The following GRAMD1B variants were observed in gnomAD, a reference collection of about 807,000 sequenced individuals.
GRAMD1B encodes the protein GRAM domain containing 1B.
A neutral mutation model predicts 99.7 loss-of-function variants in GRAMD1B; 37 were observed. The ratio of observed to expected loss-of-function variants is 0.37; its 90% CI spans 0.29 to 0.49. GRAMD1B has a LOEUF of 0.49. GRAMD1B is among the 20% of genes least tolerant of loss of function. The pLI, the probability that GRAMD1B is intolerant of heterozygous loss-of-function variation, is 0.98. For missense variants in GRAMD1B, 888 were observed against 1,009.2 expected (o/e 0.88, Z 1.63); for synonymous variants, 427 against 387.6 (o/e 1.10, Z -1.19).
chr11:123,513,415 G>C (rs945236970), intron 2 of GRAMD1B, among the ~76,000 whole-genome samples: 1 of 151,822 alleles, frequency 6.6e-6, no homozygotes, highest in Non-Finnish European at 1.5e-5. Context: ...TCAGACTAGG[G>C]CCATCTGATA....
intron 1 of GRAMD1B, among the ~76,000 whole-genome samples, chr11:123,448,655 C>G (rs1033937045): frequency 6.6e-6 from 1 of 152,260 alleles, no homozygotes. Context: ...ATGGGCAGTT[C>G]CACTGCGATG....
At chr11:123,474,417 C>T (rs994886893) in intron 1 of GRAMD1B, among the ~76,000 whole-genome samples, 1 of 152,212 alleles carries the variant, frequency 6.6e-6, no homozygotes, top group African/African-American at 2.4e-5. Flanking sequence ...GTGCGTCTCT[C>T]TGACGCCATA....
intron 1 of GRAMD1B, among the ~76,000 whole-genome samples, chr11:123,405,211 TG>T (rs1947813317): frequency 2.6e-5 from 4 of 151,734 alleles, no homozygotes; most frequent in African/African-American, 9.7e-5. Context: ...TGTGTGTGTG[TG>T]TGTGTGTGAA....
rs112033315 is a variant in GRAMD1B, at chr11:123,534,852, G to A, written c.453-42515G>A. Among the ~76,000 whole-genome samples the A allele has an allele frequency of 2.2e-3, 335 of 151,348 alleles. 2 individuals are homozygous for A. The highest frequency in any genetic ancestry group is 7.7e-3 in the African/African-American group (316 of 40,984). On this transcript the variant is annotated intron_variant, in intron 2 of 19. Transcript: ENST00000635736. ...GCACTCCAGCTTAGGCAGCAAGAGC[G>A]AAACTCCATCTCAAAGAAAAAAAAA...
At chr11:123,419,586 G>C (rs894224200) in intron 1 of GRAMD1B, among the ~76,000 whole-genome samples, 10 of 152,096 alleles carry the variant, frequency 6.6e-5, no homozygotes, top group Non-Finnish European at 1.5e-4. Flanking sequence ...AACTATGATT[G>C]TGCTACTGCA....
chr11:123,387,715 T>TCCCGCCCCCA (rs1462354979), intron 1 of GRAMD1B, among the ~76,000 whole-genome samples: 2 of 77,760 alleles, frequency 2.6e-5, no homozygotes, highest in Admixed American at 2.5e-4. Flanking sequence ...GCCCCTGCCC[T>TCCCGCCCCCA]CCCGCCCCCA....
intron 1 of GRAMD1B, among the ~76,000 whole-genome samples, chr11:123,466,407 GAAGAAAGAAAGAGAAA>G (rs1337974844): frequency 2.2e-4 from 31 of 140,766 alleles, no homozygotes; most frequent in Admixed American, 2.0e-3. Flanking sequence ...AGAAAGAAAG[GAAGAAAGAAAGAGAAA>G]AAGAAAGAAA....
intron 1 of GRAMD1B, among the ~76,000 whole-genome samples, chr11:123,358,985 G>C (rs1242572579): frequency 1.3e-5 from 2 of 152,130 alleles, no homozygotes; most frequent in East Asian, 1.9e-4. Context: ...TATTAACATG[G>C]ATTATGGTTT....
intron 1 of GRAMD1B, among the ~76,000 whole-genome samples, chr11:123,375,676 C>G (rs1324927978): frequency 6.6e-6 from 1 of 152,094 alleles, no homozygotes; most frequent in Admixed American, 6.5e-5. Context: ...GCCTTGAACA[C>G]TGGGCAAGGT....
chr11:123,575,126 A>G (rs183925731), intron 2 of GRAMD1B, among the ~76,000 whole-genome samples: 18 of 152,108 alleles, frequency 1.2e-4, no homozygotes, highest in African/African-American at 4.1e-4. Flanking sequence ...TCATGCTTTG[A>G]TCATTTCATG....
chr11:123,592,104 G>A (rs146648200), intron 4 of GRAMD1B, among the ~76,000 whole-genome samples: 1 of 152,314 alleles, frequency 6.6e-6, no homozygotes, highest in East Asian at 1.9e-4. Flanking sequence ...CCTGACATCC[G>A]GTTTCACCTG....
intron 1 of GRAMD1B, among the ~76,000 whole-genome samples, chr11:123,415,646 G>A (rs1417848398): frequency 6.6e-6 from 1 of 151,794 alleles, no homozygotes; most frequent in Non-Finnish European, 1.5e-5. Flanking sequence ...AATAAATGTC[G>A]TTAGGTTCTC....
At chr11:123,603,581 C>G (rs777293084) in intron 9 of GRAMD1B, 40 bp downstream of exon 9, 1 of 1,185,686 alleles carries the variant, frequency 8.4e-7, no homozygotes, top group Non-Finnish European at 1.3e-6. Context: ...GGCAGCCGTG[C>G]GAGTGCCTGC....
chr11:123,534,461 A>G (rs1307514389), intron 2 of GRAMD1B, among the ~76,000 whole-genome samples: 1 of 152,202 alleles, frequency 6.6e-6, no homozygotes, highest in Non-Finnish European at 1.5e-5. Context: ...AAGATGTGCA[A>G]GAACAGAGAT....
At chr11:123,418,586 G>T (rs1309281934) in intron 1 of GRAMD1B, among the ~76,000 whole-genome samples, 1 of 152,168 alleles carries the variant, frequency 6.6e-6, no homozygotes, top group Non-Finnish European at 1.5e-5. Flanking sequence ...TAGAGTCCCA[G>T]GTTTCTTCTC....
intron 2 of GRAMD1B, among the ~76,000 whole-genome samples, chr11:123,541,631 T>C (rs1944540821): frequency 6.6e-6 from 1 of 152,050 alleles, no homozygotes; most frequent in Non-Finnish European, 1.5e-5. Context: ...TAACCTTTGG[T>C]AATACATGTT....
At chr11:123,493,220 C>T (rs1938798941) in intron 2 of GRAMD1B, among the ~76,000 whole-genome samples, 1 of 152,168 alleles carries the variant, frequency 6.6e-6, no homozygotes, top group Admixed American at 6.5e-5. Flanking sequence ...ACATTTCATC[C>T]TCTCTGAATG....
intron 7 of GRAMD1B, chr11:123,598,510 C>T: frequency 1.5e-6 from 2 of 1,341,700 alleles, no homozygotes; most frequent in Non-Finnish European, 2.1e-6. Context: ...TTGTTCCTCT[C>T]AGTGTCTTAC....
At chr11:123,484,494 ACT>A (rs1157523338) in intron 2 of GRAMD1B, among the ~76,000 whole-genome samples, 4 of 150,402 alleles carry the variant, frequency 2.7e-5, no homozygotes, top group African/African-American at 4.9e-5. Flanking sequence ...GCCCAGAAAA[ACT>A]CTCTCGATTT....
Sources: allele counts gnomAD v4.1 joint callset (sites outside exome capture counted in the v4.1 genomes callset), GRCh38; gene constraint gnomAD v4.1.1; transcripts MANE v1.5; gene names NCBI Gene and HGNC (gene_info 2026-07-23, HGNC 2026-07-21).